Variants in ANKRD28 observed in about 807,000 individuals in gnomAD.
ANKRD28 encodes serine/threonine-protein phosphatase 6 regulatory ankyrin repeat subunit A.
In ANKRD28, 44 loss-of-function variants were observed where a neutral mutation model predicts 126.5. That is an observed-to-expected ratio of 0.35 (90% CI 0.27 to 0.45). The LOEUF (loss-of-function observed/expected upper bound fraction) is 0.45, where lower values mean the gene tolerates loss of function less well. ANKRD28 is among the 20% of genes least tolerant of loss of function. ANKRD28 has a pLI of 1.00. For missense variants in ANKRD28, 1,110 were observed against 1,316.6 expected, an observed-to-expected ratio of 0.84 and a Z score of 2.43; for synonymous variants, 442 against 468.5, an observed-to-expected ratio of 0.94 and a Z score of 0.73.
At chr3:15,671,704 C>A (rs958399839) in intron 27 of ANKRD28, among the ~76,000 whole-genome samples, 1 of 151,774 alleles carries the variant, frequency 6.6e-6, no homozygotes, top group African/African-American at 2.4e-5. Context: ...CTGCCTCAGC[C>A]TCCTGAGTAG....
At chr3:15,766,793 A>G (rs2058759914) in intron 2 of ANKRD28, among the ~76,000 whole-genome samples, 1 of 152,272 alleles carries the variant, frequency 6.6e-6, no homozygotes, top group Admixed American at 6.5e-5. Flanking sequence ...ATAAAAATAA[A>G]AATCTAAAAT....
At chr3:15,791,390 C>A (rs942007127) in intron 2 of ANKRD28, among the ~76,000 whole-genome samples, 1 of 152,118 alleles carries the variant, frequency 6.6e-6, no homozygotes, top group African/African-American at 2.4e-5. Flanking sequence ...GTAACCAAAA[C>A]AGCATGGTAC....
chr3:15,810,447 ATGC>A (rs1346156831), intron 1 of ANKRD28, among the ~76,000 whole-genome samples: 2 of 152,182 alleles, frequency 1.3e-5, no homozygotes, highest in Non-Finnish European at 2.9e-5. Flanking sequence ...GAAAATTTAA[ATGC>A]TGAACAATAA....
At chr3:15,672,168 C>T (rs1440526149) in intron 27 of ANKRD28, among the ~76,000 whole-genome samples, 1 of 140,864 alleles carries the variant, frequency 7.1e-6, no homozygotes, top group Non-Finnish European at 1.5e-5. Flanking sequence ...TTTTTTGAGA[C>T]AGGGTCTTGT....
intron 2 of ANKRD28, among the ~76,000 whole-genome samples, chr3:15,772,022 TATTTTG>T (rs2059038028): frequency 6.6e-6 from 1 of 152,184 alleles, no homozygotes; most frequent in Non-Finnish European, 1.5e-5. Context: ...ATTAGAAAAG[TATTTTG>T]AATGGAATGA....
chr3:15,754,376 C>T (rs963080044), intron 3 of ANKRD28, among the ~76,000 whole-genome samples: 4 of 152,036 alleles, frequency 2.6e-5, no homozygotes, highest in Admixed American at 2.6e-4. Context: ...GTTCAAGTAA[C>T]CCTTACGTTA....
chr3:15,762,224 A>AAAAAAC (rs2058521239), intron 3 of ANKRD28, among the ~76,000 whole-genome samples: 9 of 107,646 alleles, frequency 8.4e-5, no homozygotes, highest in African/African-American at 3.0e-4. Context: ...CAAAACAAAA[A>AAAAAAC]AAAAAAAACT....
chr3:15,840,465 C>T (rs2061404638), intron 1 of ANKRD28, among the ~76,000 whole-genome samples: 1 of 152,040 alleles, frequency 6.6e-6, no homozygotes, highest in African/African-American at 2.4e-5. Flanking sequence ...ACACTGCCAA[C>T]AGCAATCTAT....
intron 4 of ANKRD28, among the ~76,000 whole-genome samples, chr3:15,748,763 C>T (rs1029217233): frequency 1.3e-5 from 2 of 152,164 alleles, no homozygotes; most frequent in Admixed American, 1.3e-4. Context: ...GAAAGTTTCC[C>T]TCAATTATTC....
intron 6 of ANKRD28, among the ~76,000 whole-genome samples, chr3:15,727,264 C>T (rs1352149846): frequency 6.6e-6 from 1 of 152,092 alleles, no homozygotes; most frequent in Non-Finnish European, 1.5e-5. Flanking sequence ...GGAAAGGATT[C>T]ATCATTCTAG....
At chr3:15,851,538 T>TA (rs1491253219) in intron 1 of ANKRD28, among the ~76,000 whole-genome samples, 2 of 148,164 alleles carry the variant, frequency 1.3e-5, no homozygotes, top group African/African-American at 2.6e-5. Flanking sequence ...AGTGAGACTC[T>TA]GTGTCAAAAT....
chr3:15,757,248 A>G (rs959609906), intron 3 of ANKRD28, among the ~76,000 whole-genome samples: 11 of 152,146 alleles, frequency 7.2e-5, no homozygotes, highest in African/African-American at 2.7e-4. Context: ...ACATTAGGCT[A>G]TTAGTAGTTT....
At chr3:15,791,401 T>C (rs938852343) in intron 2 of ANKRD28, among the ~76,000 whole-genome samples, 1 of 151,702 alleles carries the variant, frequency 6.6e-6, no homozygotes, top group Non-Finnish European at 1.5e-5. Context: ...AGCATGGTAC[T>C]GTCACAAAAA....
At chr3:15,755,757 T>C (rs540316215) in intron 3 of ANKRD28, among the ~76,000 whole-genome samples, 14 of 152,320 alleles carry the variant, frequency 9.2e-5, no homozygotes, top group Admixed American at 6.5e-5. Context: ...CTCTACATGG[T>C]AGAAGATAGT....
At chr3:15,794,205 A>G (rs995213751) in intron 2 of ANKRD28, among the ~76,000 whole-genome samples, 3 of 152,170 alleles carry the variant, frequency 2.0e-5, no homozygotes, top group Non-Finnish European at 4.4e-5. Flanking sequence ...TCATTACCCA[A>G]TGTTAAAATT....
rs1232176218 is a variant in ANKRD28 at position 15,845,153 on chromosome 3, A to G, written c.27+14224T>C. On this transcript the variant is annotated intron_variant, in intron 1 of 27. Transcript: ENST00000399451. This position sits in a 1 kb window ranked among gnomAD's most constrained non-coding sequence, Gnocchi z 4.9. ...GGTCCCACCTCCAACACTGGGGATTATAACTAGAAATGAGATTTAGGCACA... is the reference window on the plus strand; with the variant it reads ...GGTCCCACCTCCAACACTGGGGATTGTAACTAGAAATGAGATTTAGGCACA... Among the ~76,000 whole-genome samples, 2 of 152,234 alleles carry G rather than the reference A, an allele frequency of 1.3e-5. No individual in the cohort carries two copies. Among genetic ancestry groups the G allele is most frequent in the Non-Finnish European group, 2.9e-5 (2 of 68,042 alleles).
rs563607317 is a variant in ANKRD28, at chr3:15,676,988, G to A, written c.2859C>T (p.Asn953=). ...ITDRNLINAT[N]AALQTPLHVA... is the part of the protein sequence containing the mutation. ...ACAGTACTCACGTTTGCAAGGCTGC[G>A]TTGGTTGCATTGATGAGGTTTCTAT... Residue 953 remains asparagine, a synonymous_variant, in exon 26 of 28, where the codon AAC becomes AAT. Coordinates refer to ENST00000683139, the MANE Select transcript of ANKRD28 (RefSeq NM_001349278.2). 26 of 1,612,626 alleles carry A rather than the reference G, an allele frequency of 1.6e-5. No individual in the cohort carries two copies. The highest frequency in any genetic ancestry group is 1.7e-4 in the Middle Eastern group (1 of 6,054).
chr3:15,814,931 CA>C lies in ANKRD28; in HGVS notation c.28-19626del, dbSNP rs961566372. The stretch of plus-strand genomic sequence containing the variant: ...TTTTTAAAGGTTAGGATAATACATA[CA>C]TATTATTTAGTAACTTGCTTGTCTC... On this transcript the variant is annotated intron_variant, in intron 1 of 27. Coordinates refer to the ANKRD28 transcript ENST00000399451. The surrounding 1 kb of genome is among the most constrained non-coding windows in gnomAD (Gnocchi z 4.7). Among the ~76,000 whole-genome samples the C allele has an allele frequency of 5.3e-5, 8 of 150,260 alleles. No homozygotes were observed. Among genetic ancestry groups the C allele is most frequent in the African/African-American group, 1.9e-4 (8 of 41,048 alleles).
chr3:15,677,387 G>T, intron 25 of ANKRD28, 93 bp downstream of exon 25: 1 of 857,318 alleles, frequency 1.2e-6, no homozygotes, highest in Non-Finnish European at 1.9e-6. Flanking sequence ...AGAGAGGTTT[G>T]GTCCTGAGTT....
Sources: allele counts gnomAD v4.1 joint callset (sites outside exome capture counted in the v4.1 genomes callset), GRCh38; gene constraint gnomAD v4.1.1; non-coding constraint Gnocchi (gnomAD v3.1); transcripts MANE v1.5; gene names NCBI Gene and HGNC (gene_info 2026-07-23, HGNC 2026-07-21).